GRID2: variants seen among roughly 807,000 people sequenced by gnomAD.
GRID2 encodes glutamate ionotropic receptor delta type subunit 2.
GRID2 carries 33 observed loss-of-function variants against 114.8 expected under a neutral mutation model. The ratio of observed to expected loss-of-function variants is 0.29; its 90% CI spans 0.22 to 0.38. The LOEUF is 0.38. Among genes scored for constraint, GRID2 ranks in the 10% least tolerant of loss-of-function variants. GRID2 has a pLI of 1.00. For synonymous variants in GRID2, 505 were observed against 449.9 expected, an observed-to-expected ratio of 1.12 and a Z score of -1.55; for missense variants, 1,184 against 1,257.7, an observed-to-expected ratio of 0.94 and a Z score of 0.89.
At chr4:93,118,231 A>G (rs1733464397) in intron 4 of GRID2, among the ~76,000 whole-genome samples, 1 of 152,062 alleles carries the variant, frequency 6.6e-6, no homozygotes. Context: ...TAGGCAAAAC[A>G]CTTTTCTGAT....
At chr4:92,436,881 A>AT (rs1732760121) in intron 1 of GRID2, among the ~76,000 whole-genome samples, 1 of 152,174 alleles carries the variant, frequency 6.6e-6, no homozygotes, top group African/African-American at 2.4e-5. Context: ...ATTTATTTAA[A>AT]ATTATGTGTA....
intron 2 of GRID2, among the ~76,000 whole-genome samples, chr4:92,906,382 T>A (rs1747954023): frequency 7.4e-6 from 1 of 135,216 alleles, no homozygotes; most frequent in Non-Finnish European, 1.7e-5. Context: ...CGCAGATTTT[T>A]AAGCCTTTCA....
chr4:93,447,856 T>C (rs1349454683), intron 10 of GRID2, among the ~76,000 whole-genome samples: 1 of 151,940 alleles, frequency 6.6e-6, no homozygotes, highest in Non-Finnish European at 1.5e-5. Flanking sequence ...ACTTTAGTAG[T>C]GGTAATAAAA....
intron 14 of GRID2, among the ~76,000 whole-genome samples, chr4:93,718,409 C>T (rs887424319): frequency 6.6e-6 from 1 of 152,108 alleles, no homozygotes; most frequent in East Asian, 1.9e-4. Flanking sequence ...AAGAAATACT[C>T]CATATTCAGG....
At chr4:93,458,493 G>A (rs1282916381) in intron 11 of GRID2, among the ~76,000 whole-genome samples, 1 of 152,092 alleles carries the variant, frequency 6.6e-6, no homozygotes, top group African/African-American at 2.4e-5. Context: ...CTTTCTCACA[G>A]CATGGTAGTT....
chr4:93,160,904 A>T (rs569197015), intron 4 of GRID2, among the ~76,000 whole-genome samples: 3 of 151,770 alleles, frequency 2.0e-5, no homozygotes, highest in Admixed American at 1.3e-4. Context: ...TTAAAATTTG[A>T]CAACACTTTG....
chr4:93,221,576 G>C (rs1471926509), intron 6 of GRID2, among the ~76,000 whole-genome samples: 2 of 152,098 alleles, frequency 1.3e-5, no homozygotes, highest in Non-Finnish European at 2.9e-5. Flanking sequence ...AAATTGAAGT[G>C]ACCTTTTAAA....
At chr4:92,975,156 C>CTAAAAAAAAAAAAAAA (rs1753784760) in intron 2 of GRID2, among the ~76,000 whole-genome samples, 1 of 46,692 alleles carries the variant, frequency 2.1e-5, no homozygotes, top group African/African-American at 9.8e-5. Flanking sequence ...GATTCCGCCT[C>CTAAAAAAAAAAAAAAA]AAAAAAAAAA....
At chr4:93,714,109 G>C (rs1284646619) in intron 14 of GRID2, among the ~76,000 whole-genome samples, 3 of 151,802 alleles carry the variant, frequency 2.0e-5, no homozygotes, top group Non-Finnish European at 4.4e-5. Flanking sequence ...CCCCCAACAG[G>C]CCCCAGTGTG....
intron 13 of GRID2, among the ~76,000 whole-genome samples, chr4:93,523,082 T>C (rs1730494088): frequency 6.6e-6 from 1 of 151,990 alleles, no homozygotes; most frequent in African/African-American, 2.4e-5. Context: ...GCTTCAAAGC[T>C]GGAGAATTTT....
intron 2 of GRID2, among the ~76,000 whole-genome samples, chr4:92,685,831 C>T (rs942407132): frequency 6.6e-6 from 1 of 151,948 alleles, no homozygotes; most frequent in African/African-American, 2.4e-5. Context: ...AGTCTCTATT[C>T]AACACATTTT....
intron 4 of GRID2, among the ~76,000 whole-genome samples, chr4:93,195,386 G>A (rs1228092458): frequency 1.3e-5 from 2 of 152,188 alleles, no homozygotes; most frequent in Non-Finnish European, 2.9e-5. Context: ...ATCTGAGAAA[G>A]CATGTGTGGA....
chr4:93,457,689 C>T (rs556571424), intron 11 of GRID2, among the ~76,000 whole-genome samples: 3 of 151,978 alleles, frequency 2.0e-5, no homozygotes, highest in African/African-American at 7.2e-5. Flanking sequence ...AATCAACAGG[C>T]TTTGATTACC....
rs145357264 is a variant in GRID2 at position 92,600,024 on chromosome 4, A to ATGTG, written c.244+9756_244+9759dup. 5.6e-3 allele frequency among the ~76,000 whole-genome samples: 447 copies of ATGTG among 79,526 alleles called. 9 individuals are homozygous for ATGTG. Among genetic ancestry groups the ATGTG allele is most frequent in the African/African-American group, 6.9e-3 (122 of 17,790 alleles). The allele number at this position is 79,526 out of a possible 152,430, so 52.2% of individuals were successfully genotyped here. On this transcript the variant is annotated intron_variant, in intron 2 of 15. Coordinates refer to ENST00000282020, the MANE Select transcript of GRID2 (RefSeq NM_001510.4). ...TGGGCGACAGGGCAATACTTCATGT[A>ATGTG]TGTGTGTGTGTGTGTGTGTGTATAT...
intron 8 of GRID2, among the ~76,000 whole-genome samples, chr4:93,289,904 T>A (rs887379049): frequency 1.6e-4 from 24 of 152,090 alleles, no homozygotes; most frequent in African/African-American, 5.8e-4. Context: ...AAAATTGGAG[T>A]AAAGAAGTCC....
chr4:92,909,237 A>C (rs2149489215), intron 2 of GRID2, among the ~76,000 whole-genome samples: 1 of 152,026 alleles, frequency 6.6e-6, no homozygotes, highest in Non-Finnish European at 1.5e-5. Flanking sequence ...TAGAACTGTG[A>C]AAACATGCAA....
intron 10 of GRID2, among the ~76,000 whole-genome samples, chr4:93,449,463 GATTAA>G (rs1469989403): frequency 6.6e-6 from 1 of 152,070 alleles, no homozygotes; most frequent in African/African-American, 2.4e-5. Context: ...TTTATTCTCA[GATTAA>G]ATTACAGAAT....
intron 13 of GRID2, among the ~76,000 whole-genome samples, chr4:93,608,296 C>CTTTTTTTTTTTTTTTTT (rs774334616): frequency 1.7e-5 from 2 of 116,988 alleles, no homozygotes; most frequent in Non-Finnish European, 3.4e-5. Flanking sequence ...ATTTTTTTTT[C>CTTTTTTTTTTTTTTTTT]TTTTTTTTTT....
intron 8 of GRID2, among the ~76,000 whole-genome samples, chr4:93,350,643 C>A (rs572835801): frequency 2.9e-4 from 44 of 151,860 alleles, no homozygotes; most frequent in Non-Finnish European, 6.0e-4. Context: ...ATACTAGTTG[C>A]AGTCACATAA....
Sources: gnomAD v4.1 joint callset for allele counts (sites outside exome capture counted in the v4.1 genomes callset) on GRCh38, gnomAD v4.1.1 for gene constraint, MANE v1.5 for transcripts, NCBI Gene and HGNC (gene_info 2026-07-23, HGNC 2026-07-21) for gene names.